The following RAD51B variants were observed in gnomAD, a reference collection of about 807,000 sequenced individuals.
RAD51B encodes DNA repair protein RAD51 homolog 2.
RAD51B carries 38 observed loss-of-function variants against 42.2 expected under a neutral mutation model. That is an observed-to-expected ratio of 0.90 (90% CI 0.70 to 1.18). The LOEUF (loss-of-function observed/expected upper bound fraction) is 1.18, where lower values mean the gene tolerates loss of function less well. RAD51B is among the 50% of genes most tolerant of loss of function. RAD51B has a pLI of 0.00. For synonymous variants in RAD51B, 154 were observed against 145.2 expected (o/e 1.06, Z -0.43); for missense variants, 373 against 400.7 (o/e 0.93, Z 0.59).
chr14:68,452,955 T>A (rs1168974916), intron 9 of RAD51B, among the ~76,000 whole-genome samples: 5 of 152,210 alleles, frequency 3.3e-5, no homozygotes, highest in African/African-American at 4.8e-5. Context: ...AAGCCTCCTT[T>A]TTTTAGCCCC....
chr14:68,283,004 A>G (rs1450519988), intron 7 of RAD51B, among the ~76,000 whole-genome samples: 1 of 152,202 alleles, frequency 6.6e-6, no homozygotes, highest in Non-Finnish European at 1.5e-5. Context: ...GACTCCCCCA[A>G]GTGCCCTATT....
intron 10 of RAD51B, chr14:68,563,658 C>T (rs997292705): frequency 2.9e-5 from 29 of 985,262 alleles, no homozygotes; most frequent in African/African-American, 1.4e-4. Context: ...GGTCATGCTT[C>T]GGGGGAAGGG....
At chr14:67,832,426 G>A (rs2041085693) in intron 3 of RAD51B, among the ~76,000 whole-genome samples, 1 of 152,026 alleles carries the variant, frequency 6.6e-6, no homozygotes, top group South Asian at 2.1e-4. Flanking sequence ...GTTATCTCAG[G>A]ATTGTGGAAT....
At chr14:68,410,526 G>A (rs779991282) in intron 8 of RAD51B, among the ~76,000 whole-genome samples, 2 of 152,152 alleles carry the variant, frequency 1.3e-5, no homozygotes, top group Non-Finnish European at 2.9e-5. Context: ...TCCTGTCATG[G>A]CCTAGGGCCA....
chr14:68,175,882 G>A (rs2078953621), intron 7 of RAD51B, among the ~76,000 whole-genome samples: 1 of 152,136 alleles, frequency 6.6e-6, no homozygotes, highest in Non-Finnish European at 1.5e-5. Context: ...CCAAGCCAAT[G>A]GCTTAATGAT....
chr14:68,178,893 G>C (rs2079009195), intron 7 of RAD51B, among the ~76,000 whole-genome samples: 1 of 152,164 alleles, frequency 6.6e-6, no homozygotes, highest in Admixed American at 6.5e-5. Flanking sequence ...ACTTTTTCAG[G>C]CATACTGAAG....
intron 7 of RAD51B, among the ~76,000 whole-genome samples, chr14:67,995,212 C>T (rs1160556059): frequency 2.0e-5 from 3 of 151,834 alleles, no homozygotes; most frequent in Non-Finnish European, 4.4e-5. Context: ...ATGGTGAAGC[C>T]CCATCTCTAT....
chr14:68,663,944 T>C (rs1253224550), intron 11 of RAD51B, among the ~76,000 whole-genome samples: 1 of 152,234 alleles, frequency 6.6e-6, no homozygotes, highest in Non-Finnish European at 1.5e-5. Flanking sequence ...AGGTGCATTA[T>C]AAGCACTTGA....
intron 10 of RAD51B, among the ~76,000 whole-genome samples, chr14:68,538,572 C>A (rs1411899920): frequency 6.6e-6 from 1 of 151,418 alleles, no homozygotes; most frequent in Non-Finnish European, 1.5e-5. Flanking sequence ...CCAGGCCCTG[C>A]AAATGTTAGG....
intron 10 of RAD51B, among the ~76,000 whole-genome samples, chr14:68,636,215 C>G (rs1390042154): frequency 6.6e-6 from 1 of 152,196 alleles, no homozygotes. Context: ...TAGACACCCT[C>G]TGATTCCAGA....
At chr14:68,149,348 T>A (rs557724661) in intron 7 of RAD51B, among the ~76,000 whole-genome samples, 2 of 152,356 alleles carry the variant, frequency 1.3e-5, no homozygotes, top group African/African-American at 4.8e-5. Context: ...TATTTACTTC[T>A]ATGATCCACT....
At chr14:68,239,087 A>C (rs948218100) in intron 7 of RAD51B, among the ~76,000 whole-genome samples, 4 of 152,230 alleles carry the variant, frequency 2.6e-5, no homozygotes, top group Admixed American at 1.3e-4. Flanking sequence ...GTTCACATAG[A>C]TAACTAAGCT....
Position 68,180,720 on chromosome 14 carries a change from C to T in RAD51B, c.757-111164C>T, listed in dbSNP as rs112114005. ...CTAAGTAGCTGGGAATGGAGAAAGA[C>T]GGCGAGCAGATGTATAGAATGCACT... is the stretch of plus-strand genomic sequence containing the variant. On this transcript the variant is annotated intron_variant, in intron 7 of 10. Coordinates refer to ENST00000471583, the MANE Select transcript of RAD51B (RefSeq NM_133510.4). Among the ~76,000 whole-genome samples the T allele has an allele frequency of 5.9e-3, 904 of 152,248 alleles. 7 individuals carry two copies. The highest frequency in any genetic ancestry group is 0.021 in the African/African-American group (858 of 41,542).
chr14:68,673,607 A>ACT (rs1893221237), intron 11 of RAD51B, among the ~76,000 whole-genome samples: 1 of 151,816 alleles, frequency 6.6e-6, no homozygotes, highest in Non-Finnish European at 1.5e-5. Context: ...GTACATGCAC[A>ACT]CACACACGTA....
intron 7 of RAD51B, among the ~76,000 whole-genome samples, chr14:68,122,656 A>G (rs937751975): frequency 4.6e-5 from 7 of 152,338 alleles, no homozygotes; most frequent in African/African-American, 1.4e-4. Flanking sequence ...AAATGCATGT[A>G]TCCTTTGACT....
At chr14:68,341,167 G>C (rs999090588) in intron 8 of RAD51B, among the ~76,000 whole-genome samples, 1 of 152,166 alleles carries the variant, frequency 6.6e-6, no homozygotes, top group African/African-American at 2.4e-5. Context: ...CAAGGTAACT[G>C]TATTTCAGTA....
intron 5 of RAD51B, among the ~76,000 whole-genome samples, chr14:67,868,724 C>A (rs1296212132): frequency 6.6e-6 from 1 of 152,396 alleles, no homozygotes; most frequent in South Asian, 2.1e-4. Flanking sequence ...TCTCCCAGCA[C>A]GCAGCTGGAG....
At chr14:68,381,519 C>G (rs1034109787) in intron 8 of RAD51B, among the ~76,000 whole-genome samples, 3 of 151,890 alleles carry the variant, frequency 2.0e-5, no homozygotes, top group African/African-American at 7.3e-5. Context: ...ACTAAAAATA[C>G]AAAAAAATTA....
At chr14:68,028,775 A>T (rs1446268270) in intron 7 of RAD51B, among the ~76,000 whole-genome samples, 1 of 152,150 alleles carries the variant, frequency 6.6e-6, no homozygotes, top group East Asian at 1.9e-4. Context: ...TGTAGCACAG[A>T]TGTGCCCCCA....
Sources: allele counts gnomAD v4.1 joint callset (sites outside exome capture counted in the v4.1 genomes callset), GRCh38; gene constraint gnomAD v4.1.1; transcripts MANE v1.5; gene names NCBI Gene and HGNC (gene_info 2026-07-23, HGNC 2026-07-21).